Variants in ASTN2 observed in about 807,000 individuals in gnomAD.
ASTN2 encodes the protein astrotactin 2, also known as astrotactin-2.
In ASTN2, 54 loss-of-function variants were observed where a neutral mutation model predicts 139.8. The observed-to-expected ratio is 0.39, with a 90% CI of 0.31 to 0.48. The LOEUF (loss-of-function observed/expected upper bound fraction) is 0.48, where lower values mean the gene tolerates loss of function less well. Among genes scored for constraint, ASTN2 ranks in the 20% least tolerant of loss-of-function variants. The probability of loss-of-function intolerance (pLI) is 0.95; values close to 1 mark genes in which losing one functional copy is unlikely to be tolerated. For missense variants in ASTN2, 1,565 were observed against 1,725.1 expected, an observed-to-expected ratio of 0.91 and a Z score of 1.64; for synonymous variants, 756 against 719.5, an observed-to-expected ratio of 1.05 and a Z score of -0.81.
chr9:117,154,003 A>G (rs921895687), intron 3 of ASTN2, among the ~76,000 whole-genome samples: 9 of 152,088 alleles, frequency 5.9e-5, no homozygotes, highest in Admixed American at 3.9e-4. Context: ...GAATCTGTAT[A>G]AATTCTCACT....
intron 19 of ASTN2, among the ~76,000 whole-genome samples, chr9:116,523,494 T>C (rs1202774730): frequency 6.6e-6 from 1 of 152,166 alleles, no homozygotes; most frequent in East Asian, 1.9e-4. Flanking sequence ...AATAGGTTAC[T>C]AAACATCTCT....
intron 1 of ASTN2, among the ~76,000 whole-genome samples, chr9:117,373,105 C>T (rs1439331926): frequency 6.6e-6 from 1 of 152,120 alleles, no homozygotes; most frequent in Non-Finnish European, 1.5e-5. Flanking sequence ...GAGGAACACA[C>T]TCATTATTAT....
chr9:117,406,272 G>C (rs1187770929), intron 1 of ASTN2, among the ~76,000 whole-genome samples: 1 of 152,208 alleles, frequency 6.6e-6, no homozygotes, highest in Non-Finnish European at 1.5e-5. Flanking sequence ...TTCATCAGTA[G>C]AGACTCCTTC....
At chr9:117,334,261 G>A (rs927789393) in intron 1 of ASTN2, among the ~76,000 whole-genome samples, 3 of 152,146 alleles carry the variant, frequency 2.0e-5, no homozygotes, top group African/African-American at 7.2e-5. Context: ...GGCATATGAT[G>A]AGCAAAGTGG....
intron 10 of ASTN2, among the ~76,000 whole-genome samples, chr9:116,904,636 C>T (rs935574753): frequency 6.6e-6 from 1 of 152,132 alleles, no homozygotes; most frequent in African/African-American, 2.4e-5. Flanking sequence ...TACATGTAAA[C>T]CACTAAGAAT....
intron 2 of ASTN2, among the ~76,000 whole-genome samples, chr9:117,227,758 A>G (rs1279186883): frequency 1.3e-5 from 2 of 152,202 alleles, no homozygotes; most frequent in African/African-American, 2.4e-5. Context: ...CTACTGTTGG[A>G]CCAAAGAGGA....
At chr9:117,133,632 A>G (rs1829876066) in intron 4 of ASTN2, among the ~76,000 whole-genome samples, 1 of 152,208 alleles carries the variant, frequency 6.6e-6, no homozygotes, top group African/African-American at 2.4e-5. Context: ...GAGAGTAATT[A>G]AGGGAGAAGA....
At chr9:116,857,351 C>A (rs558003651) in intron 11 of ASTN2, among the ~76,000 whole-genome samples, 1 of 152,206 alleles carries the variant, frequency 6.6e-6, no homozygotes, top group East Asian at 1.9e-4. Context: ...ATATTCACAC[C>A]AATCCTCTTA....
intron 19 of ASTN2, among the ~76,000 whole-genome samples, chr9:116,500,775 T>G (rs935102227): frequency 2.6e-5 from 4 of 152,218 alleles, no homozygotes; most frequent in Non-Finnish European, 5.9e-5. Context: ...TTAATTTAGA[T>G]AGTGTATGGG....
intron 6 of ASTN2, among the ~76,000 whole-genome samples, chr9:117,010,294 G>T (rs529116776): frequency 6.6e-6 from 1 of 152,146 alleles, no homozygotes; most frequent in Admixed American, 6.5e-5. Context: ...ATGTCACATG[G>T]GTCCTTGAGG....
intron 11 of ASTN2, among the ~76,000 whole-genome samples, chr9:116,841,246 G>A (rs866292077): frequency 5.9e-5 from 9 of 152,052 alleles, no homozygotes; most frequent in South Asian, 2.1e-4. Context: ...GCGTGGCGGC[G>A]TGCACCTGCA....
intron 11 of ASTN2, among the ~76,000 whole-genome samples, chr9:116,838,470 C>A (rs1004165664): frequency 1.3e-5 from 2 of 152,058 alleles, no homozygotes; most frequent in African/African-American, 4.8e-5. Context: ...GTTGCCCAGA[C>A]TGGAGTGCAA....
intron 19 of ASTN2, among the ~76,000 whole-genome samples, chr9:116,522,437 T>G (rs1257886735): frequency 6.6e-6 from 1 of 152,102 alleles, no homozygotes; most frequent in Non-Finnish European, 1.5e-5. Flanking sequence ...CATCGTATGC[T>G]CTCACTCATA....
intron 5 of ASTN2, among the ~76,000 whole-genome samples, chr9:117,065,621 C>T (rs1374062960): frequency 6.6e-6 from 1 of 152,208 alleles, no homozygotes; most frequent in Non-Finnish European, 1.5e-5. Flanking sequence ...TAGAGCCAAT[C>T]ATACATTTGG....
At chr9:116,802,705 G>GAAA (rs1482202421) in intron 13 of ASTN2, among the ~76,000 whole-genome samples, 1 of 152,194 alleles carries the variant, frequency 6.6e-6, no homozygotes, top group African/African-American at 2.4e-5. Flanking sequence ...TGTACCTATG[G>GAAA]AAATGGCTGG....
chr9:116,778,245 T>C (rs1389503683), intron 13 of ASTN2, among the ~76,000 whole-genome samples: 4 of 151,962 alleles, frequency 2.6e-5, no homozygotes, highest in Non-Finnish European at 5.9e-5. Flanking sequence ...TCTAGAAAGA[T>C]AGCACTACAG....
At chr9:116,647,851 T>C (rs1857680271) in intron 17 of ASTN2, among the ~76,000 whole-genome samples, 1 of 152,154 alleles carries the variant, frequency 6.6e-6, no homozygotes, top group South Asian at 2.1e-4. Context: ...CTCATTCTGT[T>C]ACCCAGGTTG....
chr9:117,400,303 G>A (rs1830789126), intron 1 of ASTN2, among the ~76,000 whole-genome samples: 1 of 152,228 alleles, frequency 6.6e-6, no homozygotes, highest in Non-Finnish European at 1.5e-5. Context: ...TCCTAGCTCT[G>A]TAGCTGCCCT....
chr9:116,608,068 T>C (rs1156608005), intron 19 of ASTN2, among the ~76,000 whole-genome samples: 1 of 152,194 alleles, frequency 6.6e-6, no homozygotes, highest in Non-Finnish European at 1.5e-5. Context: ...AGCCCTAAAA[T>C]TTCTCTTTGC....
Sources: allele counts gnomAD v4.1 joint callset (sites outside exome capture counted in the v4.1 genomes callset), GRCh38; gene constraint gnomAD v4.1.1; transcripts MANE v1.5; gene names NCBI Gene and HGNC (gene_info 2026-07-23, HGNC 2026-07-21).